PHKB: variants seen among roughly 807,000 people sequenced by gnomAD.
PHKB encodes the protein phosphorylase kinase regulatory subunit beta.
Under a neutral mutation model 152.1 loss-of-function variants are expected in PHKB, and 122 were observed. The observed-to-expected ratio is 0.80, with a 90% confidence interval of 0.69 to 0.93. The LOEUF (loss-of-function observed/expected upper bound fraction) is 0.93, where lower values mean the gene tolerates loss of function less well. Among genes scored for constraint, PHKB ranks in the 40% least tolerant of loss-of-function variants. The probability of loss-of-function intolerance (pLI) is 0.00; values close to 1 mark genes in which losing one functional copy is unlikely to be tolerated. For missense variants in PHKB, 1,304 were observed against 1,328.4 expected (o/e 0.98, Z 0.29); for synonymous variants, 436 against 464.9 (o/e 0.94, Z 0.80).
Position 47,693,483 on chromosome 16 carries a change from T to A in PHKB, c.2871T>A (p.Ile957=). 6.2e-7 allele frequency: 1 copy of A among 1,614,078 alleles called. No homozygotes were observed. Among genetic ancestry groups the A allele is most frequent in the South Asian group, 1.1e-5 (1 of 91,074 alleles). ...TGGAGCGCACGCCCAATGGGATCAT[T>A]GTTGCTGGGAAGCATTTGCCTCAGG... ...QILERTPNGI[I]VAGKHLPQQP... The change falls in exon 28 of 31, where the codon ATT becomes ATA. Residue 957 remains isoleucine, a synonymous_variant. Coordinates refer to ENST00000323584, the MANE Select transcript of PHKB (RefSeq NM_000293.3).
chr16:47,525,836 A>G (rs576028608), intron 6 of PHKB, among the ~76,000 whole-genome samples: 1 of 152,358 alleles, frequency 6.6e-6, no homozygotes, highest in Admixed American at 6.5e-5. Flanking sequence ...ACAGGTGAAC[A>G]GCAAGCTTCA....
Position 47,499,513 on chromosome 16 carries a change from T to C in PHKB, c.167-243T>C, listed in dbSNP as rs80166498. Among the ~76,000 whole-genome samples the C allele has an allele frequency of 5.5e-3, 831 of 152,360 alleles. 6 individuals carry two copies. The highest frequency in any genetic ancestry group is 8.7e-3 in the Admixed American group (133 of 15,302). ...CATTACTGGAGATGTGCTAAAGGCT[T>C]TTTAAGTCCTAATTAGCTGAGTCCT... On this transcript the variant is annotated intron_variant, in intron 2 of 30. Transcript: ENST00000323584.
chr16:47,665,288 T>C (rs1241665567), intron 25 of PHKB: 2 of 331,292 alleles, frequency 6.0e-6, no homozygotes, highest in Non-Finnish European at 1.1e-5. Flanking sequence ...ATTTTTACTT[T>C]TGAGGGAAAA....
intron 29 of PHKB, among the ~76,000 whole-genome samples, chr16:47,697,608 G>A (rs1974170465): frequency 6.6e-6 from 1 of 152,048 alleles, no homozygotes; most frequent in African/African-American, 2.4e-5. Context: ...GTTTCCTTTG[G>A]TTCTTTCAGG....
At position 47,653,110 on chromosome 16, in the gene PHKB, T is replaced by A. The variant is rs184535263; in HGVS notation, c.1971+2189T>A. ...TTGTAGAAAGCCTCAGATGCCAATA[T>A]TTGGAATTCTTTTCTCTAAGGCTTT... is the stretch of plus-strand genomic sequence containing the variant. On this transcript the variant is annotated intron_variant, in intron 20 of 30. Transcript: ENST00000323584. 8.1e-3 allele frequency among the ~76,000 whole-genome samples: 1,233 copies of A among 152,266 alleles called. 17 individuals are homozygous for A. The highest frequency in any genetic ancestry group is 0.029 in the African/African-American group (1,198 of 41,540).
intron 4 of PHKB, among the ~76,000 whole-genome samples, chr16:47,509,487 A>G (rs1242752996): frequency 2.0e-5 from 3 of 152,150 alleles, no homozygotes; most frequent in African/African-American, 7.2e-5. Flanking sequence ...CTCTAGAACA[A>G]TATTGCCCAA....
At chr16:47,648,192 A>G (rs1973168807) in intron 16 of PHKB, among the ~76,000 whole-genome samples, 1 of 152,206 alleles carries the variant, frequency 6.6e-6, no homozygotes, top group African/African-American at 2.4e-5. Flanking sequence ...CGTTTTTAAA[A>G]TGTTAAACAA....
At chr16:47,545,966 C>A (rs1971155875) in intron 6 of PHKB, among the ~76,000 whole-genome samples, 1 of 152,312 alleles carries the variant, frequency 6.6e-6, no homozygotes, top group South Asian at 2.1e-4. Context: ...CTTCTCTACA[C>A]TGTTTATTCT....
Position 47,693,511 on chromosome 16 carries a change from A to G in PHKB, c.2895+4A>G. 1 of 1,613,986 alleles carries G rather than the reference A, an allele frequency of 6.2e-7. No homozygotes were observed. The highest frequency in any genetic ancestry group is 8.5e-7 in the Non-Finnish European group (1 of 1,179,964). On this transcript the variant is annotated splice_donor_region_variant and intron_variant, in intron 28 of 30. Transcript: ENST00000323584. ...TGCTGGGAAGCATTTGCCTCAGGTAAAGCCCCACCATGTTCACATAAAGAA... is the reference window on the plus strand; with the variant it reads ...TGCTGGGAAGCATTTGCCTCAGGTAGAGCCCCACCATGTTCACATAAAGAA...
chr16:47,512,900 T>A (rs1240040495), intron 5 of PHKB, among the ~76,000 whole-genome samples: 6 of 152,230 alleles, frequency 3.9e-5, no homozygotes, highest in Non-Finnish European at 2.9e-5. Context: ...CTTACTTTAG[T>A]ATGTCTTCTC....
intron 1 of PHKB, among the ~76,000 whole-genome samples, chr16:47,472,963 A>G (rs1034687841): frequency 6.6e-6 from 1 of 151,986 alleles, no homozygotes; most frequent in Non-Finnish European, 1.5e-5. Context: ...AACAAGTAAT[A>G]GAAAATTGTA....
At chr16:47,551,262 A>ATTT (rs1971265838) in intron 7 of PHKB, among the ~76,000 whole-genome samples, 1 of 151,400 alleles carries the variant, frequency 6.6e-6, no homozygotes, top group Non-Finnish European at 1.5e-5. Flanking sequence ...CTAGCTTTTG[A>ATTT]ATTTGTTTGC....
chr16:47,623,588 G>A (rs1972657117), intron 14 of PHKB, among the ~76,000 whole-genome samples: 1 of 144,688 alleles, frequency 6.9e-6, no homozygotes, highest in Non-Finnish European at 1.5e-5. Flanking sequence ...TCTTGAGACG[G>A]AGTCTTGCTC....
At chr16:47,651,736 TAAAG>T (rs1973241029) in intron 20 of PHKB, among the ~76,000 whole-genome samples, 2 of 152,210 alleles carry the variant, frequency 1.3e-5, no homozygotes. Context: ...GGAAAGTTTA[TAAAG>T]AAAGACCTAC....
In PHKB at chr16:47,693,603, C is replaced by T. The variant is rs35772393; in HGVS notation, c.2895+96C>T. 6.6e-3 allele frequency: 8,403 copies of T among 1,276,150 alleles called. 58 individuals carry two copies. Among genetic ancestry groups the T allele is most frequent in the East Asian group, 0.012 (493 of 42,776 alleles). The allele number at this position is 1,276,150 out of a possible 1,614,324, so 79.1% of individuals were successfully genotyped here. A position where few individuals can be genotyped will look rare whatever the true frequency, so the allele number is the denominator to read the frequency against. On this transcript the variant is annotated intron_variant, in intron 28 of 30. Coordinates refer to ENST00000323584, the MANE Select transcript of PHKB (RefSeq NM_000293.3). ...TGCAAATAACTTTTCTCCTTTTCAGCGTTCTAAGAGTATTTTCAAAGAAGG... is the reference window on the plus strand; with the variant it reads ...TGCAAATAACTTTTCTCCTTTTCAGTGTTCTAAGAGTATTTTCAAAGAAGG...
At chr16:47,618,280 C>G (rs1055331412) in intron 14 of PHKB, among the ~76,000 whole-genome samples, 3 of 151,916 alleles carry the variant, frequency 2.0e-5, no homozygotes, top group Non-Finnish European at 4.4e-5. Context: ...ATTGCTCTGG[C>G]TTAGTCTTTT....
chr16:47,647,946 T>G (rs1181955305), intron 16 of PHKB, among the ~76,000 whole-genome samples: 2 of 152,218 alleles, frequency 1.3e-5, no homozygotes, highest in African/African-American at 4.8e-5. Flanking sequence ...TAAGAGTCTT[T>G]AACCCTATCT....
chr16:47,557,472 G>T (rs1476004853), intron 7 of PHKB, among the ~76,000 whole-genome samples: 1 of 152,058 alleles, frequency 6.6e-6, no homozygotes, highest in African/African-American at 2.4e-5. Context: ...GAAAATTTTC[G>T]CAACCTACTC....
intron 10 of PHKB, among the ~76,000 whole-genome samples, chr16:47,592,544 G>C (rs1257263014): frequency 6.6e-6 from 1 of 152,208 alleles, no homozygotes; most frequent in African/African-American, 2.4e-5. Context: ...TCCATCCAGC[G>C]TTAGCTGAAA....
Sources: gnomAD v4.1 joint callset for allele counts (sites outside exome capture counted in the v4.1 genomes callset) on GRCh38, gnomAD v4.1.1 for gene constraint, MANE v1.5 for transcripts, NCBI Gene and HGNC (gene_info 2026-07-23, HGNC 2026-07-21) for gene names.